The following PARD3B variants were observed in gnomAD, a reference collection of about 807,000 sequenced individuals.
PARD3B encodes the protein partitioning defective 3 homolog B.
Under a neutral mutation model 130.2 loss-of-function variants are expected in PARD3B, and 103 were observed. The observed-to-expected ratio is 0.79, with a 90% CI of 0.67 to 0.93. The LOEUF is 0.93. Among genes scored for constraint, PARD3B ranks in the 40% least tolerant of loss-of-function variants. The pLI, the probability that PARD3B is intolerant of heterozygous loss-of-function variation, is 0.00. For synonymous variants in PARD3B, 583 were observed against 553.2 expected (o/e 1.05, Z -0.76); for missense variants, 1,609 against 1,499.2 (o/e 1.07, Z -1.21).
At chr2:205,025,108 A>G (rs1032173063) in intron 3 of PARD3B, among the ~76,000 whole-genome samples, 2 of 152,206 alleles carry the variant, frequency 1.3e-5, no homozygotes, top group Non-Finnish European at 2.9e-5. Flanking sequence ...TCTTTCCAGC[A>G]GTGGAATATT....
intron 2 of PARD3B, among the ~76,000 whole-genome samples, chr2:204,771,755 G>A (rs2041396647): frequency 6.6e-6 from 1 of 151,966 alleles, no homozygotes; most frequent in Non-Finnish European, 1.5e-5. Flanking sequence ...TCATACCTAT[G>A]GATTTTATTA....
rs1169982318 is a variant in PARD3B, at chr2:205,091,794, A to C, written c.505-12632A>C. Among the ~76,000 whole-genome samples the C allele has an allele frequency of 2.0e-5, 3 of 152,132 alleles. No homozygotes were observed. Among genetic ancestry groups the C allele is most frequent in the Non-Finnish European group, 4.4e-5 (3 of 67,994 alleles). ...GGCCATTCATTAGTATCTTCTCTCC[A>C]GCTTCTGTGCTCCTTACTCCCCAGA... On this transcript the variant is annotated intron_variant, in intron 4 of 22. Coordinates refer to ENST00000406610, the MANE Select transcript of PARD3B (RefSeq NM_001302769.2). This position sits in a 1 kb window ranked among gnomAD's most constrained non-coding sequence, Gnocchi z 4.2.
chr2:205,376,683 A>G (rs1003186532), intron 18 of PARD3B, among the ~76,000 whole-genome samples: 1 of 152,172 alleles, frequency 6.6e-6, no homozygotes, highest in African/African-American at 2.4e-5. Flanking sequence ...AAAATCCGGA[A>G]TCACTGCCAT....
chr2:205,493,202 C>T (rs1266037203), intron 20 of PARD3B, among the ~76,000 whole-genome samples: 2 of 151,756 alleles, frequency 1.3e-5, no homozygotes, highest in African/African-American at 4.8e-5. Flanking sequence ...GTTCTGTTCC[C>T]ACTATGGAAA....
chr2:205,152,605 C>T (rs897065259), intron 10 of PARD3B, among the ~76,000 whole-genome samples: 1 of 152,160 alleles, frequency 6.6e-6, no homozygotes, highest in Non-Finnish European at 1.5e-5. Flanking sequence ...TCAGCTCCAT[C>T]GGGTCATTTA....
intron 22 of PARD3B, among the ~76,000 whole-genome samples, chr2:205,605,882 G>A (rs896383582): frequency 3.3e-5 from 5 of 152,100 alleles, no homozygotes; most frequent in East Asian, 1.9e-4. Context: ...GATCACAGCC[G>A]CCCCTCCTCT....
intron 15 of PARD3B, among the ~76,000 whole-genome samples, chr2:205,213,439 T>C (rs1028225562): frequency 6.6e-6 from 1 of 152,128 alleles, no homozygotes; most frequent in Admixed American, 6.6e-5. Context: ...CCACTTAGCA[T>C]GTGTAGGTGC....
At chr2:205,165,167 C>G (rs748465738) in intron 11 of PARD3B, among the ~76,000 whole-genome samples, 1 of 151,864 alleles carries the variant, frequency 6.6e-6, no homozygotes, top group Non-Finnish European at 1.5e-5. Context: ...ATCTGGTTTT[C>G]TAGGCCAAAG....
chr2:204,877,082 T>C (rs2045875152), intron 2 of PARD3B, among the ~76,000 whole-genome samples: 2 of 152,178 alleles, frequency 1.3e-5, no homozygotes, highest in Non-Finnish European at 2.9e-5. Flanking sequence ...GATGAGTTCA[T>C]GTCCTTTGTA....
chr2:205,007,340 T>C (rs1695351445), intron 3 of PARD3B, among the ~76,000 whole-genome samples: 1 of 152,232 alleles, frequency 6.6e-6, no homozygotes, highest in Admixed American at 6.5e-5. Context: ...AATGGACTAA[T>C]ACGCCATCTT....
intron 1 of PARD3B, among the ~76,000 whole-genome samples, chr2:204,553,663 T>TCC (rs2030674418): frequency 1.3e-4 from 2 of 15,928 alleles, no homozygotes; most frequent in East Asian, 4.2e-3. Flanking sequence ...TATATATATA[T>TCC]ATATATATAT....
At chr2:204,839,999 T>G (rs2044202365) in intron 2 of PARD3B, among the ~76,000 whole-genome samples, 1 of 151,990 alleles carries the variant, frequency 6.6e-6, no homozygotes, top group Non-Finnish European at 1.5e-5. Flanking sequence ...CCTCTACGTA[T>G]ATTTCTCTTT....
intron 2 of PARD3B, among the ~76,000 whole-genome samples, chr2:204,771,751 C>A (rs2041396379): frequency 6.6e-6 from 1 of 151,986 alleles, no homozygotes; most frequent in African/African-American, 2.4e-5. Context: ...CCATTCATAC[C>A]TATGGATTTT....
At chr2:204,576,390 C>A (rs1440363821) in intron 1 of PARD3B, among the ~76,000 whole-genome samples, 3 of 152,144 alleles carry the variant, frequency 2.0e-5, no homozygotes, top group Admixed American at 1.3e-4. Flanking sequence ...TCTAAGTTTA[C>A]TTTTCTTATG....
At chr2:205,548,867 A>C (rs1220138642) in intron 21 of PARD3B, among the ~76,000 whole-genome samples, 1 of 152,190 alleles carries the variant, frequency 6.6e-6, no homozygotes, top group Non-Finnish European at 1.5e-5. Flanking sequence ...TTTGCAAAAC[A>C]CACATCTGAT....
intron 18 of PARD3B, among the ~76,000 whole-genome samples, chr2:205,319,240 C>G (rs763311771): frequency 6.6e-5 from 10 of 152,172 alleles, no homozygotes; most frequent in Non-Finnish European, 1.3e-4. Context: ...GCACTACCTC[C>G]CTAGCATGTC....
rs539035839 is a variant in PARD3B, at chr2:204,682,424, A to G, written c.121-3757A>G. Among the ~76,000 whole-genome samples the G allele has an allele frequency of 3.1e-4, 47 of 152,268 alleles. 1 individual carries two copies. The highest frequency in any genetic ancestry group is 2.7e-3 in the Admixed American group (42 of 15,302). The stretch of plus-strand genomic sequence containing the variant: ...AGGATAAATGAGTTAATCATACAAA[A>G]CACATAGTACCTATAGTACCTGACC... On this transcript the variant is annotated intron_variant, in intron 1 of 22. Transcript: ENST00000406610.
chr2:204,943,416 TGGA>T lies in PARD3B; in HGVS notation c.223-21734_223-21732del, dbSNP rs1259689356. Among the ~76,000 whole-genome samples the T allele has an allele frequency of 6.6e-6, 1 of 152,056 alleles. No individual in the cohort carries two copies. The highest frequency in any genetic ancestry group is 2.4e-5 in the African/African-American group (1 of 41,400). On this transcript the variant is annotated intron_variant, in intron 2 of 22. Coordinates refer to ENST00000406610, the MANE Select transcript of PARD3B (RefSeq NM_001302769.2). The surrounding 1 kb of genome is among the most constrained non-coding windows in gnomAD (Gnocchi z 4.2). Reference sequence around the variant, plus strand: ...AATGAGCCCTTTCCTCTGCTTCTCATGGAGTTCTTACTGGTCCCCAGGTTAACC... The same window carrying T: ...AATGAGCCCTTTCCTCTGCTTCTCATGTTCTTACTGGTCCCCAGGTTAACC...
At chr2:204,934,227 T>G (rs182508246) in intron 2 of PARD3B, among the ~76,000 whole-genome samples, 2 of 152,302 alleles carry the variant, frequency 1.3e-5, no homozygotes, top group Non-Finnish European at 2.9e-5. Context: ...TTAATATCAT[T>G]TTACTGCAAG....
Sources: allele counts gnomAD v4.1 joint callset (sites outside exome capture counted in the v4.1 genomes callset), GRCh38; gene constraint gnomAD v4.1.1; non-coding constraint Gnocchi (gnomAD v3.1); transcripts MANE v1.5; gene names NCBI Gene and HGNC (gene_info 2026-07-23, HGNC 2026-07-21).